Variants in MICU3 observed in about 807,000 individuals in gnomAD.
MICU3 encodes mitochondrial calcium uptake 3, also known as calcium uptake protein 3, mitochondrial.
In MICU3, 62 loss-of-function variants were observed where a neutral mutation model predicts 66.5. That is an observed-to-expected ratio of 0.93 (90% CI 0.76 to 1.15). The LOEUF is 1.15. Among genes scored for constraint, MICU3 ranks in the 50% most tolerant of loss-of-function variants. The pLI, the probability that MICU3 is intolerant of heterozygous loss-of-function variation, is 0.00. For missense variants in MICU3, 779 were observed against 664.4 expected, an observed-to-expected ratio of 1.17 and a Z score of -1.90; for synonymous variants, 308 against 240.7, an observed-to-expected ratio of 1.28 and a Z score of -2.59.
At chr8:17,049,140 T>G (rs534786639) in intron 1 of MICU3, among the ~76,000 whole-genome samples, 1 of 152,202 alleles carries the variant, frequency 6.6e-6, no homozygotes, top group Non-Finnish European at 1.5e-5. Flanking sequence ...AGACTAAATT[T>G]CTAAACAATA....
At chr8:17,074,953 G>A (rs545151403) in intron 3 of MICU3, among the ~76,000 whole-genome samples, 113 of 151,964 alleles carry the variant, frequency 7.4e-4, no homozygotes, top group Admixed American at 1.7e-3. Context: ...CAAGTTTCGG[G>A]GCTCCAGGCC....
chr8:17,064,294 G>A (rs1818341090), intron 2 of MICU3, 57 bp downstream of exon 2: 3 of 1,376,264 alleles, frequency 2.2e-6, no homozygotes, highest in Non-Finnish European at 3.0e-6. Flanking sequence ...TCTCTAGCTT[G>A]TGAATGGATG....
In MICU3 at chr8:17,064,131, A is replaced by G. The variant is rs767014591; in HGVS notation, c.429A>G (p.Thr143=). 3 of 1,613,302 alleles carry G rather than the reference A, an allele frequency of 1.9e-6. No homozygotes were observed. The South Asian group carries it at 3.3e-5, about 18-fold the overall frequency. Residue 143 remains threonine (T), a synonymous_variant, in exon 2 of 15, where the codon ACA becomes ACG. Coordinates refer to ENST00000318063, the MANE Select transcript of MICU3 (RefSeq NM_181723.3). The part of the protein sequence containing the change: ...TDIEDLDLYA[T]SRERRFRLFA... Reference sequence around the variant, plus strand: ...TTGAAGACTTAGACCTTTATGCCACATCTCGGGAGAGGCGATTTCGTTTAT... The same window carrying G: ...TTGAAGACTTAGACCTTTATGCCACGTCTCGGGAGAGGCGATTTCGTTTAT...
the MICU3 span, among the ~76,000 whole-genome samples, chr8:17,130,047 C>G: frequency 5.3e-5 from 8 of 152,098 alleles, no homozygotes; most frequent in African/African-American, 1.9e-4. Context: ...ATAAAGACAC[C>G]TTCCGATAAA....
chr8:17,053,373 G>T (rs1816415856), intron 1 of MICU3, among the ~76,000 whole-genome samples: 1 of 152,212 alleles, frequency 6.6e-6, no homozygotes, highest in African/African-American at 2.4e-5. Flanking sequence ...GTAAATTTTT[G>T]AATTGCTGAC....
intron 5 of MICU3, among the ~76,000 whole-genome samples, chr8:17,084,828 G>T (rs1380472051): frequency 6.6e-6 from 1 of 151,726 alleles, no homozygotes; most frequent in East Asian, 1.9e-4. Context: ...ATTTTCATAG[G>T]TCATTTTAGT....
chr8:17,118,600 C>A, intron 13 of MICU3, 107 bp from the exon 14 acceptor site: 2 of 664,818 alleles, frequency 3.0e-6, no homozygotes, highest in East Asian at 5.6e-5. Flanking sequence ...AATTAACATT[C>A]TACTCTCCAC....
rs199805391 is a variant in MICU3, at chr8:17,077,856, A to G, written c.641A>G (p.Glu214Gly). Residue 214 changes from glutamate (E) to glycine (G), a missense_variant, in exon 4 of 15, where the codon GAA becomes GGA. By Grantham distance (98) the Glu-to-Gly change is moderately conservative. Coordinates refer to ENST00000318063, the MANE Select transcript of MICU3 (RefSeq NM_181723.3). Reference sequence around the variant, plus strand: ...TCGAAGCTATTTCGAAATCTTAAAGAAAAAGGTGAGTTAACCTTAGTACTT... The same window carrying G: ...TCGAAGCTATTTCGAAATCTTAAAGGAAAAGGTGAGTTAACCTTAGTACTT... ...GSSKLFRNLK[E>G]KGVISYTEYL... 2.5e-4 allele frequency: 403 copies of G among 1,604,426 alleles called. No individual in the cohort carries two copies. Among genetic ancestry groups the G allele is most frequent in the Non-Finnish European group, 3.3e-4 (389 of 1,172,358 alleles).
In MICU3 at chr8:17,027,362, G is replaced by A. The variant is rs986186451; in HGVS notation, c.83G>A (p.Trp28Ter). The change falls in exon 1 of 15, where the codon TGG (tryptophan) becomes TAG (stop). Residue 28 changes from tryptophan (W) to a stop codon, truncating the protein, a stop_gained. Coordinates refer to ENST00000318063, the MANE Select transcript of MICU3 (RefSeq NM_181723.3). LOFTEE classifies it high-confidence loss of function. The part of the protein sequence containing the change: ...LCAHQPLLGP[W>*]GRPAVTTLGL... Reference sequence around the variant, plus strand: ...GCTCACCAGCCCCTCCTTGGGCCGTGGGGGCGGCCTGCGGTGACCACCCTG... The same window carrying A: ...GCTCACCAGCCCCTCCTTGGGCCGTAGGGGCGGCCTGCGGTGACCACCCTG... 7.3e-6 allele frequency: 11 copies of A among 1,502,834 alleles called. No homozygotes were observed. The highest frequency in any genetic ancestry group is 8.8e-6 in the Non-Finnish European group (10 of 1,135,456). The allele number at this position is 1,502,834 out of a possible 1,614,324, so 93.1% of individuals were successfully genotyped here. A position where few individuals can be genotyped will look rare whatever the true frequency, so the allele number is the denominator to read the frequency against.
chr8:17,133,734 C>T, the MICU3 span, among the ~76,000 whole-genome samples: 2 of 152,122 alleles, frequency 1.3e-5, no homozygotes, highest in South Asian at 4.1e-4. Context: ...CCAACTTATC[C>T]AGCACTATTT....
chr8:17,082,520 G>T (rs1315660837), intron 5 of MICU3, among the ~76,000 whole-genome samples: 1 of 152,018 alleles, frequency 6.6e-6, no homozygotes, highest in Non-Finnish European at 1.5e-5. Flanking sequence ...ACATGTTCTT[G>T]TCTCCCCACA....
At chr8:17,037,444 C>G (rs1244291614) in intron 1 of MICU3, among the ~76,000 whole-genome samples, 3 of 152,172 alleles carry the variant, frequency 2.0e-5, no homozygotes, top group African/African-American at 4.8e-5. Flanking sequence ...CCAAAATGGG[C>G]CAATGTAGAG....
At chr8:17,063,556 C>T (rs1282837828) in intron 1 of MICU3, among the ~76,000 whole-genome samples, 1 of 152,114 alleles carries the variant, frequency 6.6e-6, no homozygotes. Context: ...GGCCACTATA[C>T]TGTAGTGATC....
rs563090208 is a variant in MICU3 at position 17,034,219 on chromosome 8, A to G, written c.381+6559A>G. 4.9e-4 allele frequency among the ~76,000 whole-genome samples: 74 copies of G among 152,346 alleles called. 1 individual carries two copies. Among genetic ancestry groups the G allele is most frequent in the Admixed American group, 1.4e-3 (21 of 15,302 alleles). ...AGCTTGGATGACAACACATCTGTTT[A>G]CAGCATGGTTTACTGATTGTTTTAA... On this transcript the variant is annotated intron_variant, in intron 1 of 14. Coordinates refer to ENST00000318063, the MANE Select transcript of MICU3 (RefSeq NM_181723.3).
At chr8:17,098,382 A>G (rs141210355) in intron 8 of MICU3, 76 bp from the exon 9 acceptor site, 3 of 982,406 alleles carry the variant, frequency 3.1e-6, no homozygotes, top group African/African-American at 3.2e-5. Flanking sequence ...AAGGTTGGTT[A>G]GATTTAAAGT....
At chr8:17,076,926 C>T (rs1028782746) in intron 3 of MICU3, among the ~76,000 whole-genome samples, 17 of 152,190 alleles carry the variant, frequency 1.1e-4, no homozygotes, top group African/African-American at 4.1e-4. Context: ...TCTAAGCAGA[C>T]TAACTTTGTT....
At chr8:17,137,213 T>C in the MICU3 span, among the ~76,000 whole-genome samples, 1 of 152,018 alleles carries the variant, frequency 6.6e-6, no homozygotes, top group African/African-American at 2.4e-5. Flanking sequence ...TGTACCCCTA[T>C]CTAAGTTTGG....
intron 11 of MICU3, 41 bp downstream of exon 11, chr8:17,105,625 G>A (rs759068417): frequency 1.6e-6 from 2 of 1,229,852 alleles, no homozygotes; most frequent in East Asian, 2.6e-5. Context: ...TTACTGTTTT[G>A]CAATACGTGC....
chr8:17,108,419 A>G lies in MICU3; in HGVS notation c.1257+2835A>G, dbSNP rs534053111. Reference sequence around the variant, plus strand: ...GCATCTCCACTTGAAGATCCAGTAGATGTCTTAGACTTAATGGTTGCAAAC... The same window carrying G: ...GCATCTCCACTTGAAGATCCAGTAGGTGTCTTAGACTTAATGGTTGCAAAC... On this transcript the variant is annotated intron_variant, in intron 11 of 14. Transcript: ENST00000318063. Among the ~76,000 whole-genome samples the G allele has an allele frequency of 2.0e-5, 3 of 152,238 alleles. No homozygotes were observed. In the East Asian group the frequency reaches 5.8e-4, roughly 29 times the overall value.
Sources: gnomAD v4.1 joint callset for allele counts (sites outside exome capture counted in the v4.1 genomes callset) on GRCh38, gnomAD v4.1.1 for gene constraint, MANE v1.5 for transcripts, NCBI Gene and HGNC (gene_info 2026-07-23, HGNC 2026-07-21) for gene names.